DGKB: variants seen among roughly 807,000 people sequenced by gnomAD.
DGKB encodes the protein diacylglycerol kinase beta.
DGKB carries 67 observed loss-of-function variants against 114.3 expected under a neutral mutation model. The ratio of observed to expected loss-of-function variants is 0.59; its 90% CI spans 0.48 to 0.72. The LOEUF (loss-of-function observed/expected upper bound fraction) is 0.72, where lower values mean the gene tolerates loss of function less well. DGKB is among the 30% of genes least tolerant of loss of function. The pLI, the probability that DGKB is intolerant of heterozygous loss-of-function variation, is 0.00. For missense variants in DGKB, 907 were observed against 975.2 expected (o/e 0.93, Z 0.93); for synonymous variants, 398 against 323.1 (o/e 1.23, Z -2.49).
intron 1 of DGKB, among the ~76,000 whole-genome samples, chr7:14,922,998 C>T (rs1784581837): frequency 1.3e-5 from 2 of 152,164 alleles, no homozygotes; most frequent in Admixed American, 6.6e-5. Flanking sequence ...ATTAACATCT[C>T]CCCTTTCTCC....
chr7:14,751,469 T>C (rs1448170325), intron 4 of DGKB, among the ~76,000 whole-genome samples: 2 of 152,228 alleles, frequency 1.3e-5, no homozygotes, highest in Non-Finnish European at 2.9e-5. Context: ...GGTATAATTG[T>C]ATTTTATAAT....
At chr7:14,272,016 A>T (rs920209038) in intron 23 of DGKB, among the ~76,000 whole-genome samples, 1 of 152,166 alleles carries the variant, frequency 6.6e-6, no homozygotes, top group Non-Finnish European at 1.5e-5. Context: ...CATATCTTCT[A>T]TTGTCTCCTT....
intron 7 of DGKB, among the ~76,000 whole-genome samples, chr7:14,701,368 G>T (rs917482361): frequency 6.6e-6 from 1 of 152,034 alleles, no homozygotes; most frequent in Non-Finnish European, 1.5e-5. Context: ...CTAAATCAAT[G>T]GTTTCAACTT....
At chr7:14,154,847 C>CT (rs58040824) in intron 25 of DGKB, among the ~76,000 whole-genome samples, 50,723 of 143,164 alleles carry the variant, frequency 0.35, 9,677 homozygotes, top group South Asian at 0.54. Flanking sequence ...ATACATTCTG[C>CT]TTTTTTTTTT....
chr7:14,707,371 C>T (rs1459192957), intron 6 of DGKB, among the ~76,000 whole-genome samples: 5 of 148,778 alleles, frequency 3.4e-5, no homozygotes, highest in African/African-American at 7.5e-5. Flanking sequence ...GATTCACAGC[C>T]GAATTCTACC....
In DGKB at chr7:14,270,448, T is replaced by C. The variant is rs531215698; in HGVS notation, c.2122+68067A>G. 3.9e-5 allele frequency among the ~76,000 whole-genome samples: 6 copies of C among 152,220 alleles called. No individual in the cohort carries two copies. In the East Asian group the frequency reaches 1.2e-3, roughly 29 times the overall value. ...GTAATGTGGGTCAGGGTCCCTCTTA[T>C]CCTATCAACCAATCAGCTCTAGATG... On this transcript the variant is annotated intron_variant, in intron 23 of 25. Coordinates refer to ENST00000402815, the MANE Select transcript of DGKB (RefSeq NM_001350709.2).
At chr7:14,630,832 G>T (rs1394213161) in intron 13 of DGKB, among the ~76,000 whole-genome samples, 1 of 151,208 alleles carries the variant, frequency 6.6e-6, no homozygotes, top group Non-Finnish European at 1.5e-5. Flanking sequence ...TAAATACATT[G>T]ACATTAGTCT....
intron 2 of DGKB, among the ~76,000 whole-genome samples, chr7:14,772,522 C>G (rs1026789655): frequency 6.6e-6 from 1 of 152,088 alleles, no homozygotes; most frequent in Non-Finnish European, 1.5e-5. Context: ...AATTACTAAA[C>G]TTAATTCTTA....
chr7:14,792,589 A>G (rs1256155792), intron 2 of DGKB, among the ~76,000 whole-genome samples: 1 of 152,188 alleles, frequency 6.6e-6, no homozygotes, highest in Non-Finnish European at 1.5e-5. Flanking sequence ...TACAGTAAAA[A>G]TAAGCTGGCA....
intron 21 of DGKB, among the ~76,000 whole-genome samples, chr7:14,365,093 G>A (rs974080023): frequency 6.6e-6 from 1 of 151,372 alleles, no homozygotes; most frequent in African/African-American, 2.4e-5. Flanking sequence ...TCAACATCTT[G>A]GGGGTAGGGG....
At chr7:14,589,287 T>C (rs540037152) in intron 17 of DGKB, among the ~76,000 whole-genome samples, 1 of 152,026 alleles carries the variant, frequency 6.6e-6, no homozygotes, top group Non-Finnish European at 1.5e-5. Context: ...ACATTTTGTT[T>C]GTGGATACAT....
chr7:14,275,802 A>G (rs1223178160), intron 23 of DGKB, among the ~76,000 whole-genome samples: 3 of 152,258 alleles, frequency 2.0e-5, no homozygotes, highest in East Asian at 1.9e-4. Context: ...AAACTAATTC[A>G]TAATTGCCAT....
chr7:14,961,723 G>T (rs1344747028), intron 1 of DGKB, among the ~76,000 whole-genome samples: 1 of 152,132 alleles, frequency 6.6e-6, no homozygotes, highest in East Asian at 1.9e-4. Flanking sequence ...AGACCTCCCT[G>T]TTGGGCTGGT....
At chr7:14,255,388 G>C (rs1795817002) in intron 23 of DGKB, among the ~76,000 whole-genome samples, 1 of 152,030 alleles carries the variant, frequency 6.6e-6, no homozygotes, top group South Asian at 2.1e-4. Context: ...TGATGATAAA[G>C]ATCAAGACAT....
intron 9 of DGKB, among the ~76,000 whole-genome samples, chr7:14,693,002 T>C (rs990296075): frequency 1.3e-5 from 2 of 152,328 alleles, no homozygotes; most frequent in African/African-American, 4.8e-5. Context: ...TATATACTCA[T>C]ATGTTTCACA....
intron 20 of DGKB, among the ~76,000 whole-genome samples, chr7:14,513,057 A>G (rs1204197629): frequency 6.6e-6 from 1 of 152,112 alleles, no homozygotes; most frequent in Non-Finnish European, 1.5e-5. Context: ...CAAGGTTCAG[A>G]ATTGAAAAGA....
At chr7:14,917,023 T>C (rs1562873848) in intron 1 of DGKB, among the ~76,000 whole-genome samples, 1 of 152,084 alleles carries the variant, frequency 6.6e-6, no homozygotes. Flanking sequence ...AAACAGCATT[T>C]TTAAATAACA....
chr7:14,963,637 T>C (rs1251842847), intron 1 of DGKB, among the ~76,000 whole-genome samples: 1 of 152,276 alleles, frequency 6.6e-6, no homozygotes, highest in Non-Finnish European at 1.5e-5. Flanking sequence ...CTTACTAAAA[T>C]TCAGAGACAA....
chr7:14,790,832 A>G (rs1459358854), intron 2 of DGKB, among the ~76,000 whole-genome samples: 1 of 152,128 alleles, frequency 6.6e-6, no homozygotes, highest in Non-Finnish European at 1.5e-5. Context: ...ACTTGTCTAT[A>G]TCTGCCAAAA....
Sources: gnomAD v4.1 joint callset for allele counts (sites outside exome capture counted in the v4.1 genomes callset) on GRCh38, gnomAD v4.1.1 for gene constraint, MANE v1.5 for transcripts, NCBI Gene and HGNC (gene_info 2026-07-23, HGNC 2026-07-21) for gene names.